CRACD: variants seen among roughly 807,000 people sequenced by gnomAD.
The protein encoded by CRACD is capping protein-inhibiting regulator of actin dynamics.
CRACD carries 56 observed loss-of-function variants against 106.8 expected under a neutral mutation model. The ratio of observed to expected loss-of-function variants is 0.52; its 90% CI spans 0.42 to 0.66. The LOEUF is 0.66. Ranked by LOEUF, CRACD falls within the 30% of genes least tolerant of loss-of-function variation. The pLI is 0.00. For missense variants in CRACD, 1,730 were observed against 1,623.2 expected (o/e 1.07, Z -1.13); for synonymous variants, 754 against 670.8 (o/e 1.12, Z -1.92).
chr4:56,098,400 A>G (rs1007183126), intron 1 of CRACD, among the ~76,000 whole-genome samples: 1 of 152,198 alleles, frequency 6.6e-6, no homozygotes, highest in Non-Finnish European at 1.5e-5. Context: ...TCTAATGTTA[A>G]CTATATATAC....
At chr4:56,313,788 T>C (rs757636803) in intron 7 of CRACD, among the ~76,000 whole-genome samples, 11 of 151,998 alleles carry the variant, frequency 7.2e-5, no homozygotes, top group South Asian at 2.1e-4. Context: ...GGAAAGGAAT[T>C]AGGGAATGAC....
intron 1 of CRACD, among the ~76,000 whole-genome samples, chr4:56,164,497 A>G (rs1344480454): frequency 6.6e-6 from 1 of 152,200 alleles, no homozygotes; most frequent in Non-Finnish European, 1.5e-5. Context: ...AGCTACTGAT[A>G]CGTGCAACAA....
chr4:56,153,463 T>C (rs1220041547), intron 1 of CRACD, among the ~76,000 whole-genome samples: 1 of 152,156 alleles, frequency 6.6e-6, no homozygotes, highest in East Asian at 1.9e-4. Context: ...GTATTTTACC[T>C]CCGAGATGTG....
intron 5 of CRACD, chr4:56,308,966 T>A: frequency 8.1e-7 from 1 of 1,238,204 alleles, no homozygotes. Context: ...AGCAAGATTC[T>A]ACAAGGGGCC....
intron 2 of CRACD, among the ~76,000 whole-genome samples, chr4:56,180,012 G>C (rs1026750102): frequency 6.7e-6 from 1 of 150,230 alleles, no homozygotes; most frequent in Admixed American, 6.6e-5. Flanking sequence ...GCGAGACTCT[G>C]TCTCAAAAAA....
chr4:56,056,888 C>G (rs535862304), intron 1 of CRACD, among the ~76,000 whole-genome samples: 12 of 152,178 alleles, frequency 7.9e-5, no homozygotes, highest in Non-Finnish European at 1.8e-4. Flanking sequence ...GCCTGGGCAA[C>G]AAGGTAAAAG....
At chr4:56,272,898 C>A (rs77628385) in intron 3 of CRACD, among the ~76,000 whole-genome samples, 506 of 124,706 alleles carry the variant, frequency 4.1e-3, no homozygotes, top group African/African-American at 4.4e-3. Flanking sequence ...GACTCTGCCT[C>A]AAAAAAAAAA....
At chr4:56,199,098 T>TC (rs1737755555) in intron 2 of CRACD, among the ~76,000 whole-genome samples, 1 of 152,160 alleles carries the variant, frequency 6.6e-6, no homozygotes, top group African/African-American at 2.4e-5. Context: ...GCCCACGAGT[T>TC]CTTTAGGAGT....
chr4:56,268,630 G>A (rs1742167782), intron 2 of CRACD, among the ~76,000 whole-genome samples: 1 of 152,168 alleles, frequency 6.6e-6, no homozygotes, highest in Non-Finnish European at 1.5e-5. Context: ...CTAGAAATCA[G>A]GCACTGTTTA....
chr4:56,326,830 G>C (rs1746479840), intron 10 of CRACD, among the ~76,000 whole-genome samples: 1 of 150,832 alleles, frequency 6.6e-6, no homozygotes, highest in South Asian at 2.1e-4. Context: ...ACCTCTGCCT[G>C]CAGGGTTCAA....
intron 2 of CRACD, among the ~76,000 whole-genome samples, chr4:56,189,034 AT>A (rs1737235789): frequency 6.6e-6 from 1 of 152,224 alleles, no homozygotes; most frequent in South Asian, 2.1e-4. Flanking sequence ...AAATACAAAA[AT>A]TAGCCAGATG....
intron 2 of CRACD, among the ~76,000 whole-genome samples, chr4:56,239,450 A>G (rs1740229054): frequency 6.6e-6 from 1 of 152,012 alleles, no homozygotes; most frequent in Non-Finnish European, 1.5e-5. Context: ...ATCATGCCCC[A>G]TTCGCAGGCA....
intron 3 of CRACD, among the ~76,000 whole-genome samples, chr4:56,297,557 C>T (rs1429809269): frequency 6.6e-6 from 1 of 151,938 alleles, no homozygotes; most frequent in Non-Finnish European, 1.5e-5. Context: ...CCAGCCTGGG[C>T]AACAGAATAA....
chr4:56,258,878 A>G (rs991891727), intron 2 of CRACD, among the ~76,000 whole-genome samples: 1 of 152,170 alleles, frequency 6.6e-6, no homozygotes, highest in African/African-American at 2.4e-5. Context: ...GAATTTTAAG[A>G]TATTTGTGTC....
intron 5 of CRACD, 54 bp from the exon 6 acceptor site, chr4:56,310,612 T>G: frequency 7.9e-7 from 1 of 1,268,566 alleles, no homozygotes; most frequent in East Asian, 2.3e-5. Flanking sequence ...TCTGGTTATT[T>G]GCCCAGAACT....
At chr4:56,080,226 G>A (rs1434162916) in intron 1 of CRACD, among the ~76,000 whole-genome samples, 1 of 151,868 alleles carries the variant, frequency 6.6e-6, no homozygotes, top group African/African-American at 2.4e-5. Context: ...AAAAAACGGT[G>A]GTAAAAAAAC....
intron 1 of CRACD, among the ~76,000 whole-genome samples, chr4:56,176,947 A>C (rs568922095): frequency 6.6e-6 from 1 of 152,278 alleles, no homozygotes; most frequent in African/African-American, 2.4e-5. Context: ...TATCAGTTCT[A>C]ACAGTTTTTT....
intron 1 of CRACD, among the ~76,000 whole-genome samples, chr4:56,085,520 C>T (rs1440128404): frequency 6.6e-6 from 1 of 152,180 alleles, no homozygotes; most frequent in Non-Finnish European, 1.5e-5. Flanking sequence ...GCAGCAGAGT[C>T]TTCATCTGTC....
chr4:56,185,854 A>C (rs1013634061), intron 2 of CRACD, among the ~76,000 whole-genome samples: 1 of 152,170 alleles, frequency 6.6e-6, no homozygotes, highest in Non-Finnish European at 1.5e-5. Flanking sequence ...ATATTTTGGC[A>C]TTGGGATAGC....
Sources: gnomAD v4.1 joint callset for allele counts (sites outside exome capture counted in the v4.1 genomes callset) on GRCh38, gnomAD v4.1.1 for gene constraint, MANE v1.5 for transcripts, NCBI Gene and HGNC (gene_info 2026-07-23, HGNC 2026-07-21) for gene names.